MAGI1: variants seen among roughly 807,000 people sequenced by gnomAD.
MAGI1 encodes membrane associated guanylate kinase, WW and PDZ domain containing 1.
Under a neutral mutation model 139.9 loss-of-function variants are expected in MAGI1, and 58 were observed. That is an observed-to-expected ratio of 0.41 (90% CI 0.34 to 0.52). The LOEUF is 0.52. MAGI1 is among the 20% of genes least tolerant of loss of function. The pLI, the probability that MAGI1 is intolerant of heterozygous loss-of-function variation, is 0.12. For missense variants in MAGI1, 1,874 were observed against 1,901.6 expected, an observed-to-expected ratio of 0.99 and a Z score of 0.27; for synonymous variants, 812 against 737.9, an observed-to-expected ratio of 1.10 and a Z score of -1.63.
intron 1 of MAGI1, among the ~76,000 whole-genome samples, chr3:65,920,044 G>C (rs1448276539): frequency 6.6e-6 from 1 of 152,148 alleles, no homozygotes; most frequent in African/African-American, 2.4e-5. Flanking sequence ...ACCCAGACTA[G>C]ACTTGGAAAG....
chr3:65,657,586 C>T (rs993430459), intron 1 of MAGI1, among the ~76,000 whole-genome samples: 1 of 152,126 alleles, frequency 6.6e-6, no homozygotes, highest in Non-Finnish European at 1.5e-5. Flanking sequence ...AAATGAACAC[C>T]ACTCTCTGTT....
chr3:65,431,468 CT>C (rs1179674329), intron 10 of MAGI1, among the ~76,000 whole-genome samples: 3 of 152,096 alleles, frequency 2.0e-5, no homozygotes, highest in Admixed American at 2.0e-4. Flanking sequence ...CTAAATTCAA[CT>C]GATTTTTTCC....
chr3:65,389,650 G>A (rs752818141), intron 14 of MAGI1, among the ~76,000 whole-genome samples: 2 of 152,172 alleles, frequency 1.3e-5, no homozygotes, highest in Non-Finnish European at 1.5e-5. Context: ...GACAGAACCT[G>A]GTTCCTGGTT....
At position 65,948,373 on chromosome 3, in the gene MAGI1, T is replaced by A. The variant is rs998861188; in HGVS notation, c.313+89623A>T. ...ATAAAACCCCAAATTTTCTGCCTTT[T>A]CTTTGAGACTTTCTTCATTAATGAA... On this transcript the variant is annotated intron_variant, in intron 1 of 22. Coordinates refer to ENST00000402939, the MANE Select transcript of MAGI1 (RefSeq NM_001033057.2). 7.8e-4 allele frequency among the ~76,000 whole-genome samples: 119 copies of A among 152,246 alleles called. 1 individual carries two copies. The highest frequency in any genetic ancestry group is 2.7e-3 in the African/African-American group (113 of 41,466).
intron 4 of MAGI1, among the ~76,000 whole-genome samples, chr3:65,475,470 T>G (rs1232308164): frequency 6.6e-6 from 1 of 152,184 alleles, no homozygotes; most frequent in East Asian, 1.9e-4. Context: ...CGCCTCAGTT[T>G]CCCAAAGTGC....
At chr3:65,915,055 C>T (rs1196477132) in intron 1 of MAGI1, among the ~76,000 whole-genome samples, 1 of 152,154 alleles carries the variant, frequency 6.6e-6, no homozygotes, top group Non-Finnish European at 1.5e-5. Flanking sequence ...TTTAGAACAA[C>T]TCATTCAAGG....
At chr3:65,768,419 CA>C (rs1001295051) in intron 1 of MAGI1, among the ~76,000 whole-genome samples, 27 of 140,960 alleles carry the variant, frequency 1.9e-4, no homozygotes, top group Admixed American at 2.8e-4. Context: ...GATTCAATCT[CA>C]AAAAAAAAAA....
rs11719716 is a variant in MAGI1, at chr3:65,702,148, C to G, written c.314-80060G>C. Among the ~76,000 whole-genome samples, 157 of 152,062 alleles carry G rather than the reference C, an allele frequency of 1.0e-3. 2 individuals carry two copies. Among genetic ancestry groups the G allele is most frequent in the African/African-American group, 3.6e-3 (151 of 41,432 alleles). On this transcript the variant is annotated intron_variant, in intron 1 of 22. Coordinates refer to ENST00000402939, the MANE Select transcript of MAGI1 (RefSeq NM_001033057.2). ...GTACCTGTGTTTACGAGCGAGCCCACTGGTCCCCCATAATAGCAGCATTAA... is the reference window on the plus strand; with the variant it reads ...GTACCTGTGTTTACGAGCGAGCCCAGTGGTCCCCCATAATAGCAGCATTAA...
At chr3:65,410,640 T>A (rs530120097) in intron 12 of MAGI1, among the ~76,000 whole-genome samples, 1 of 152,216 alleles carries the variant, frequency 6.6e-6, no homozygotes, top group African/African-American at 2.4e-5. Context: ...CTAGGGCTCA[T>A]AACTGCGACA....
At chr3:65,532,167 A>G (rs915609116) in intron 2 of MAGI1, among the ~76,000 whole-genome samples, 2 of 152,122 alleles carry the variant, frequency 1.3e-5, no homozygotes, top group African/African-American at 2.4e-5. Flanking sequence ...TTTTACTCCA[A>G]TGGTTTCTAT....
intron 12 of MAGI1, among the ~76,000 whole-genome samples, chr3:65,415,570 C>T (rs1295157515): frequency 6.6e-6 from 1 of 152,204 alleles, no homozygotes; most frequent in Non-Finnish European, 1.5e-5. Flanking sequence ...CACTCCGTTA[C>T]TGAGGAGATG....
intron 2 of MAGI1, among the ~76,000 whole-genome samples, chr3:65,528,037 T>C (rs73128957): frequency 0.037 from 5,622 of 152,268 alleles, 139 homozygotes; most frequent in Admixed American, 0.07. Context: ...GACTGCTTTT[T>C]TTCAGTTGGG....
At chr3:65,592,944 G>C (rs1383039473) in intron 2 of MAGI1, among the ~76,000 whole-genome samples, 1 of 152,088 alleles carries the variant, frequency 6.6e-6, no homozygotes, top group Non-Finnish European at 1.5e-5. Context: ...AGGAGGGCAG[G>C]GGGTTTTTAT....
intron 2 of MAGI1, among the ~76,000 whole-genome samples, chr3:65,564,062 C>A (rs536265404): frequency 2.0e-5 from 3 of 152,218 alleles, no homozygotes; most frequent in African/African-American, 7.2e-5. Flanking sequence ...AGATGCATAT[C>A]TCCAGAGGCT....
chr3:65,579,656 G>A (rs1024832298), intron 2 of MAGI1, among the ~76,000 whole-genome samples: 1 of 152,084 alleles, frequency 6.6e-6, no homozygotes, highest in African/African-American at 2.4e-5. Flanking sequence ...GACCAGCCTG[G>A]CCAACATAGT....
intron 1 of MAGI1, among the ~76,000 whole-genome samples, chr3:65,856,874 C>T (rs1053499722): frequency 4.6e-5 from 7 of 152,208 alleles, no homozygotes; most frequent in Admixed American, 6.5e-5. Context: ...GTTCATGAGA[C>T]GCCTAACGGA....
rs746833039 is a variant in MAGI1, at chr3:65,478,558, A to C, written c.757+34T>G. 6 of 1,588,644 alleles carry C rather than the reference A, an allele frequency of 3.8e-6. No individual in the cohort carries two copies. The African/African-American group carries it at 6.7e-5, about 18-fold the overall frequency. On this transcript the variant is annotated intron_variant, in intron 4 of 22. Coordinates refer to ENST00000402939, the MANE Select transcript of MAGI1 (RefSeq NM_001033057.2). ...AAAGCCTCCTCGTCATCCCTTCCCC[A>C]GGTCCATTGAGGGCAACATGATCTG...
intron 1 of MAGI1, among the ~76,000 whole-genome samples, chr3:65,728,364 C>A (rs1413893632): frequency 6.6e-6 from 1 of 152,138 alleles, no homozygotes; most frequent in Non-Finnish European, 1.5e-5. Context: ...CACGTGGGAT[C>A]ATAGAGCCCA....
chr3:65,421,944 T>G (rs564998936), intron 12 of MAGI1, among the ~76,000 whole-genome samples: 2 of 152,238 alleles, frequency 1.3e-5, no homozygotes, highest in African/African-American at 4.8e-5. Flanking sequence ...TATCACTCTC[T>G]GCATAAAAAT....
Sources: allele counts gnomAD v4.1 joint callset (sites outside exome capture counted in the v4.1 genomes callset), GRCh38; gene constraint gnomAD v4.1.1; transcripts MANE v1.5; gene names NCBI Gene and HGNC (gene_info 2026-07-23, HGNC 2026-07-21).